Variants in P2RY1 observed in about 807,000 individuals in gnomAD.
The protein encoded by P2RY1 is P2Y purinoceptor 1.
A neutral mutation model predicts 22.8 loss-of-function variants in P2RY1; 14 were observed. The ratio of observed to expected loss-of-function variants is 0.61; its 90% CI spans 0.41 to 0.96. The LOEUF is 0.96. P2RY1 is among the 40% of genes least tolerant of loss of function. The pLI, the probability that P2RY1 is intolerant of heterozygous loss-of-function variation, is 0.00. For missense variants in P2RY1, 395 were observed against 470.3 expected, an observed-to-expected ratio of 0.84 and a Z score of 1.48; for synonymous variants, 200 against 195.1, an observed-to-expected ratio of 1.03 and a Z score of -0.21.
rs1716287371 is a variant in P2RY1 at position 152,841,048 on chromosome 3, G to C, written c.*4144G>C. 6.6e-6 allele frequency: 1 copy of C among 152,092 alleles called. No individual in the cohort carries two copies. Among genetic ancestry groups the C allele is most frequent in the South Asian group, 2.1e-4 (1 of 4,824 alleles). 9.4% of individuals were successfully genotyped at this position (152,092 alleles called of 1,614,324 possible). ...TTATATTATCTGTGATTTTAATATA[G>C]ATGATTGAACTAGATTTCTTTTTGA... is the stretch of plus-strand genomic sequence containing the variant. On this transcript the variant is annotated 3_prime_UTR_variant, in exon 1 of 1. Transcript: ENST00000305097.
At position 152,840,345 on chromosome 3, in the gene P2RY1, TAA is replaced by T. The variant is rs1202145311; in HGVS notation, c.*3442_*3443del. 6.6e-6 allele frequency: 1 copy of T among 152,178 alleles called. No individual in the cohort carries two copies. Among genetic ancestry groups the T allele is most frequent in the Non-Finnish European group, 1.5e-5 (1 of 68,022 alleles). 9.4% of individuals were successfully genotyped at this position (152,178 alleles called of 1,614,324 possible). A position where few individuals can be genotyped will look rare whatever the true frequency, so the allele number is the denominator to read the frequency against. Reference sequence around the variant, plus strand: ...GCTTTTGCATGTTTGCCTTTTTATTTAAGTTTTTTTCTATATAGACACAATTT... The same window carrying T: ...GCTTTTGCATGTTTGCCTTTTTATTTGTTTTTTTCTATATAGACACAATTT... On this transcript the variant is annotated 3_prime_UTR_variant, in exon 1 of 1. Coordinates refer to ENST00000305097, the MANE Select transcript of P2RY1 (RefSeq NM_002563.5).
In P2RY1 at chr3:152,838,970, G is replaced by A. The variant is rs1716236776; in HGVS notation, c.*2066G>A. On this transcript the variant is annotated 3_prime_UTR_variant, in exon 1 of 1. Transcript: ENST00000305097. ...AAACTGACCAAGATGGAAATTACAGGACTTGTACCAGACTTGAACTTGTAG... is the reference window on the plus strand; with the variant it reads ...AAACTGACCAAGATGGAAATTACAGAACTTGTACCAGACTTGAACTTGTAG... 6.6e-6 allele frequency: 1 copy of A among 152,074 alleles called. No individual in the cohort carries two copies. The allele number at this position is 152,074 out of a possible 1,614,324, so 9.4% of individuals were successfully genotyped here.
rs766915687 is a variant in P2RY1 at position 152,836,163 on chromosome 3, G to A, written c.381G>A (p.Gln127=). ...TCGGGGATGCCATGTGTAAACTGCA[G>A]AGGTTCATCTTTCATGTGAACCTCT... ...WIFGDAMCKL[Q]RFIFHVNLYG... The change falls in exon 1 of 1, where the codon CAG becomes CAA. Residue 127 remains glutamine, a synonymous_variant. Transcript: ENST00000305097. The surrounding 1 kb of genome is among the most constrained non-coding windows in gnomAD (Gnocchi z 5.6). 2 of 1,614,178 alleles carry A rather than the reference G, an allele frequency of 1.2e-6. No individual in the cohort carries two copies.
chr3:152,836,140 G>T lies in P2RY1; in HGVS notation c.358G>T (p.Gly120Trp). The change falls in exon 1 of 1, where the codon GGG becomes TGG. Residue 120 changes from glycine to tryptophan, a missense_variant. This residue lies in a region of P2RY1 where 291 missense variants were observed against 361.6 expected (regional missense o/e 0.80). Coordinates refer to ENST00000305097, the MANE Select transcript of P2RY1 (RefSeq NM_002563.5). This position sits in a 1 kb window ranked among gnomAD's most constrained non-coding sequence, Gnocchi z 5.6. ...CTTCAATAAAACAGACTGGATCTTC[G>T]GGGATGCCATGTGTAAACTGCAGAG... is the stretch of plus-strand genomic sequence containing the variant. ...YYFNKTDWIF[G>W]DAMCKLQRFI... The T allele has an allele frequency of 6.2e-7, 1 of 1,614,094 alleles. No individual in the cohort carries two copies. The highest frequency in any genetic ancestry group is 1.1e-5 in the South Asian group (1 of 91,064).
In P2RY1 at chr3:152,835,974, C is replaced by T. The variant is rs200547630; in HGVS notation, c.192C>T (p.Ile64=). ...CTGTCTACATCTTGGTATTCATCAT[C>T]GGCTTCCTGGGCAACAGCGTGGCCA... ...LPAVYILVFI[I]GFLGNSVAIW... Residue 64 remains isoleucine (I), a synonymous_variant, in exon 1 of 1, where the codon ATC becomes ATT. Coordinates refer to ENST00000305097, the MANE Select transcript of P2RY1 (RefSeq NM_002563.5). The T allele has an allele frequency of 6.2e-7, 1 of 1,614,194 alleles. No homozygotes were observed. Among genetic ancestry groups the T allele is most frequent in the Non-Finnish European group, 8.5e-7 (1 of 1,180,036 alleles).
rs759997738 is a variant in P2RY1, at chr3:152,836,530, G to A, written c.748G>A (p.Asp250Asn). Residue 250 changes from aspartate (D) to asparagine (N), a missense_variant, in exon 1 of 1, where the codon GAC becomes AAC. By Grantham distance (23) the Asp-to-Asn change is conservative. Coordinates refer to ENST00000305097, the MANE Select transcript of P2RY1 (RefSeq NM_002563.5). This position sits in a 1 kb window ranked among gnomAD's most constrained non-coding sequence, Gnocchi z 5.6. ...GAGAGCTTTGATTTACAAAGATCTGGACAACTCTCCTCTGAGGAGAAAATC... is the reference window on the plus strand; with the variant it reads ...GAGAGCTTTGATTTACAAAGATCTGAACAACTCTCCTCTGAGGAGAAAATC... ...IVRALIYKDL[D>N]NSPLRRKSIY... 5 of 1,614,052 alleles carry A rather than the reference G, an allele frequency of 3.1e-6. No homozygotes were observed. The highest frequency in any genetic ancestry group is 4.2e-6 in the Non-Finnish European group (5 of 1,180,036).
chr3:152,835,764 C>G lies in P2RY1; in HGVS notation c.-19C>G, dbSNP rs755424435. ...GCCTCCTACCCCTCGGAGCCGCCGC[C>G]TAAGTCGAGGAGGAGAGAATGACCG... On this transcript the variant is annotated 5_prime_UTR_variant, in exon 1 of 1. Transcript: ENST00000305097. 5 of 1,560,906 alleles carry G rather than the reference C, an allele frequency of 3.2e-6. No individual in the cohort carries two copies. Among genetic ancestry groups the G allele is most frequent in the South Asian group, 1.2e-5 (1 of 84,576 alleles).
rs1489422236 is a variant in P2RY1 at position 152,840,059 on chromosome 3, G to A, written c.*3155G>A. On this transcript the variant is annotated 3_prime_UTR_variant, in exon 1 of 1. Coordinates refer to ENST00000305097, the MANE Select transcript of P2RY1 (RefSeq NM_002563.5). ...TATTGTAAAAGTATTTATTGAAGAA[G>A]CTCACAGTCCTTCAGTTGTACAGAC... is the stretch of plus-strand genomic sequence containing the variant. 6.6e-6 allele frequency: 1 copy of A among 152,150 alleles called. No individual in the cohort carries two copies. The highest frequency in any genetic ancestry group is 1.5e-5 in the Non-Finnish European group (1 of 68,024). The allele number at this position is 152,150 out of a possible 1,614,324, so 9.4% of individuals were successfully genotyped here.
rs139453601 is a variant in P2RY1 at position 152,837,742 on chromosome 3, G to T, written c.*838G>T. ...TGCAATGCCTTAGGACTTTGTTTGT[G>T]TTCCAGGACAAGTGTTCACTCACAT... On this transcript the variant is annotated 3_prime_UTR_variant, in exon 1 of 1. Coordinates refer to ENST00000305097, the MANE Select transcript of P2RY1 (RefSeq NM_002563.5). 3 of 167,176 alleles carry T rather than the reference G, an allele frequency of 1.8e-5. No individual in the cohort carries two copies. The highest frequency in any genetic ancestry group is 2.1e-4 in the South Asian group (1 of 4,824). The allele number at this position is 167,176 out of a possible 1,614,324, so 10.4% of individuals were successfully genotyped here.
In P2RY1 at chr3:152,836,184, C is replaced by T; in HGVS notation, c.402C>T (p.Asn134=). ...TGCAGAGGTTCATCTTTCATGTGAACCTCTATGGCAGCATCTTGTTTCTGA... is the reference window on the plus strand; with the variant it reads ...TGCAGAGGTTCATCTTTCATGTGAATCTCTATGGCAGCATCTTGTTTCTGA... ...CKLQRFIFHV[N]LYGSILFLTC... Residue 134 remains asparagine, a synonymous_variant, in exon 1 of 1, where the codon AAC becomes AAT. Coordinates refer to ENST00000305097, the MANE Select transcript of P2RY1 (RefSeq NM_002563.5). This position sits in a 1 kb window ranked among gnomAD's most constrained non-coding sequence, Gnocchi z 5.6. The T allele has an allele frequency of 6.2e-7, 1 of 1,614,156 alleles. No individual in the cohort carries two copies. The highest frequency in any genetic ancestry group is 1.1e-5 in the South Asian group (1 of 91,082).
rs1029287036 is a variant in P2RY1, at chr3:152,840,461, A to G, written c.*3557A>G. The stretch of plus-strand genomic sequence containing the variant: ...TGTCTACATTTTATATATTAAATAA[A>G]AGTTTTTGTTGTCTTTTCAGGAGGT... On this transcript the variant is annotated 3_prime_UTR_variant, in exon 1 of 1. Transcript: ENST00000305097. 7.9e-5 allele frequency: 12 copies of G among 152,142 alleles called. No homozygotes were observed. The highest frequency in any genetic ancestry group is 1.6e-4 in the Non-Finnish European group (11 of 68,004). The allele number at this position is 152,142 out of a possible 1,614,324, so 9.4% of individuals were successfully genotyped here.
rs1716191973 is a variant in P2RY1, at chr3:152,837,365, CAAA to C, written c.*463_*465del. 5.8e-6 allele frequency: 1 copy of C among 171,286 alleles called. No individual in the cohort carries two copies. The highest frequency in any genetic ancestry group is 1.4e-5 in the Non-Finnish European group (1 of 70,624). The allele number at this position is 171,286 out of a possible 1,614,324, so 10.6% of individuals were successfully genotyped here. A position where few individuals can be genotyped will look rare whatever the true frequency, so the allele number is the denominator to read the frequency against. ...CAGAAATATCTAGCATGGTATATAA[CAAA>C]ACACTAAACTCATCAGTTCATCCGG... On this transcript the variant is annotated 3_prime_UTR_variant, in exon 1 of 1. Coordinates refer to ENST00000305097, the MANE Select transcript of P2RY1 (RefSeq NM_002563.5).
chr3:152,835,205 GC>G lies in P2RY1; in HGVS notation c.-577del, dbSNP rs1716112058. On this transcript the variant is annotated 5_prime_UTR_variant, in exon 1 of 1. Coordinates refer to ENST00000305097, the MANE Select transcript of P2RY1 (RefSeq NM_002563.5). ...GCCGAACGGGACGCGCTGCAGAAGC[GC>G]ACGAGTCTGCGGCCACGCGCGCTCC... 1 of 152,854 alleles carries G rather than the reference GC, an allele frequency of 6.5e-6. No homozygotes were observed. Among genetic ancestry groups the G allele is most frequent in the African/African-American group, 2.4e-5 (1 of 41,462 alleles). 9.5% of individuals were successfully genotyped at this position (152,854 alleles called of 1,614,324 possible).
In P2RY1 at chr3:152,841,263, T is replaced by TTGTGTGTGTG. The variant is rs56261476; in HGVS notation, c.*4385_*4394dup. 21 of 145,978 alleles carry TTGTGTGTGTG rather than the reference T, an allele frequency of 1.4e-4. No homozygotes were observed. Among genetic ancestry groups the TTGTGTGTGTG allele is most frequent in the African/African-American group, 4.7e-4 (19 of 40,112 alleles). 9.0% of individuals were successfully genotyped at this position (145,978 alleles called of 1,614,324 possible). On this transcript the variant is annotated 3_prime_UTR_variant, in exon 1 of 1. Coordinates refer to ENST00000305097, the MANE Select transcript of P2RY1 (RefSeq NM_002563.5). The stretch of plus-strand genomic sequence containing the variant: ...TTTGCATGTAAGAGTATGCAAAACC[T>TTGTGTGTGTG]TGTGTGTGTGTGTGTGTGTGTGTGT...
rs1161809730 is a variant in P2RY1 at position 152,839,464 on chromosome 3, A to C, written c.*2560A>C. On this transcript the variant is annotated 3_prime_UTR_variant, in exon 1 of 1. Transcript: ENST00000305097. ...GATAAAAAACTGCTAACATTATAGAACTTATTACCTAACAAAATTTCACAC... is the reference window on the plus strand; with the variant it reads ...GATAAAAAACTGCTAACATTATAGACCTTATTACCTAACAAAATTTCACAC... The C allele has an allele frequency of 6.6e-6, 1 of 152,188 alleles. No individual in the cohort carries two copies. Among genetic ancestry groups the C allele is most frequent in the African/African-American group, 2.4e-5 (1 of 41,430 alleles). 9.4% of individuals were successfully genotyped at this position (152,188 alleles called of 1,614,324 possible).
Position 152,836,915 on chromosome 3 carries a change from A to C in P2RY1, c.*11A>C. The C allele has an allele frequency of 6.3e-7, 1 of 1,583,462 alleles. No homozygotes were observed. The highest frequency in any genetic ancestry group is 1.1e-5 in the South Asian group (1 of 87,074). ...GATACAAGCCTGTGAAGGCACAAGA[A>C]TCTCCAAACACCTCTCTGTTGTAAT... On this transcript the variant is annotated 3_prime_UTR_variant, in exon 1 of 1. Transcript: ENST00000305097. The surrounding 1 kb of genome is among the most constrained non-coding windows in gnomAD (Gnocchi z 5.6).
Position 152,837,974 on chromosome 3 carries a change from G to A in P2RY1, c.*1070G>A, listed in dbSNP as rs774322898. ...GTGGGCAGAAGACATTTTAGAATGA[G>A]GGCTTTAGTTTAAATTAAAGTCATG... is the stretch of plus-strand genomic sequence containing the variant. On this transcript the variant is annotated 3_prime_UTR_variant, in exon 1 of 1. Transcript: ENST00000305097. 6.0e-6 allele frequency: 1 copy of A among 167,014 alleles called. No homozygotes were observed. The highest frequency in any genetic ancestry group is 1.5e-5 in the Non-Finnish European group (1 of 68,112). The allele number at this position is 167,014 out of a possible 1,614,324, so 10.3% of individuals were successfully genotyped here. A position where few individuals can be genotyped will look rare whatever the true frequency, so the allele number is the denominator to read the frequency against.
Position 152,840,428 on chromosome 3 carries a change from G to A in P2RY1, c.*3524G>A, listed in dbSNP as rs1276656698. ...ATATAAAATATCTTAGCCAAATGGGGTCTGTATTGTCTACATTTTATATAT... is the reference window on the plus strand; with the variant it reads ...ATATAAAATATCTTAGCCAAATGGGATCTGTATTGTCTACATTTTATATAT... On this transcript the variant is annotated 3_prime_UTR_variant, in exon 1 of 1. Coordinates refer to ENST00000305097, the MANE Select transcript of P2RY1 (RefSeq NM_002563.5). 1 of 152,100 alleles carries A rather than the reference G, an allele frequency of 6.6e-6. No homozygotes were observed. Among genetic ancestry groups the A allele is most frequent in the South Asian group, 2.1e-4 (1 of 4,828 alleles). 9.4% of individuals were successfully genotyped at this position (152,100 alleles called of 1,614,324 possible). A position where few individuals can be genotyped will look rare whatever the true frequency, so the allele number is the denominator to read the frequency against.
chr3:152,835,904 A>G lies in P2RY1; in HGVS notation c.122A>G (p.Lys41Arg), dbSNP rs766253716. The change falls in exon 1 of 1, where the codon AAA becomes AGA. Residue 41 changes from lysine (K) to arginine (R), a missense_variant. Coordinates refer to ENST00000305097, the MANE Select transcript of P2RY1 (RefSeq NM_002563.5). The part of the protein sequence containing the change: ...ASTAAVSSSF[K>R]CALTKTGFQF... Reference sequence around the variant, plus strand: ...ACTGCCGCCGTCTCCTCGTCGTTCAAATGCGCCTTGACCAAGACGGGCTTC... The same window carrying G: ...ACTGCCGCCGTCTCCTCGTCGTTCAGATGCGCCTTGACCAAGACGGGCTTC... 6.2e-7 allele frequency: 1 copy of G among 1,614,156 alleles called. No homozygotes were observed. Among genetic ancestry groups the G allele is most frequent in the Admixed American group, 1.7e-5 (1 of 60,024 alleles).
Sources: gnomAD v4.1 joint callset for allele counts on GRCh38, gnomAD v4.1.1 for gene constraint, gnomAD v4.1.1 regional missense constraint, Gnocchi (gnomAD v3.1) non-coding constraint, MANE v1.5 for transcripts, NCBI Gene and HGNC (gene_info 2026-07-23, HGNC 2026-07-21) for gene names.